The following PMEPA1 variants were observed in gnomAD, a reference collection of about 807,000 sequenced individuals.
PMEPA1 encodes protein TMEPAI.
Under a neutral mutation model 23.0 loss-of-function variants are expected in PMEPA1, and 11 were observed. The observed-to-expected ratio is 0.48, with a 90% CI of 0.30 to 0.79. The LOEUF is 0.79. Ranked by LOEUF, PMEPA1 falls within the 30% of genes least tolerant of loss-of-function variation. The probability of loss-of-function intolerance (pLI) is 0.06; values close to 1 mark genes in which losing one functional copy is unlikely to be tolerated. For synonymous variants in PMEPA1, 204 were observed against 166.4 expected, an observed-to-expected ratio of 1.23 and a Z score of -1.74; for missense variants, 377 against 390.9, an observed-to-expected ratio of 0.96 and a Z score of 0.30.
chr20:57,673,906 C>T (rs547029734), intron 1 of PMEPA1, among the ~76,000 whole-genome samples: 16 of 152,312 alleles, frequency 1.1e-4, no homozygotes, highest in African/African-American at 3.8e-4. Flanking sequence ...ACCTTCAGAC[C>T]CCAAGAGCAA....
chr20:57,668,679 A>G (rs1391497853), intron 1 of PMEPA1, among the ~76,000 whole-genome samples: 1 of 152,226 alleles, frequency 6.6e-6, no homozygotes, highest in Admixed American at 6.5e-5. Context: ...CCTTTGCTCC[A>G]GCATATAGAC....
At chr20:57,662,393 A>G (rs1357608575) in intron 1 of PMEPA1, among the ~76,000 whole-genome samples, 1 of 152,038 alleles carries the variant, frequency 6.6e-6, no homozygotes, top group Non-Finnish European at 1.5e-5. Flanking sequence ...GAGAAGTCCA[A>G]GACCCTAGAG....
chr20:57,650,679 G>A lies in PMEPA1; in HGVS notation c.*1374C>T, dbSNP rs1370744302. On this transcript the variant is annotated 3_prime_UTR_variant, in exon 4 of 4. Transcript: ENST00000341744. ...TGAAGAATTCTGCGCCCGAAGCTCG[G>A]GTTGGTGTTTGCTCAACTGCTTTAC... 1 of 152,254 alleles carries A rather than the reference G, an allele frequency of 6.6e-6. No homozygotes were observed. The highest frequency in any genetic ancestry group is 1.5e-5 in the Non-Finnish European group (1 of 68,068). 9.4% of individuals were successfully genotyped at this position (152,254 alleles called of 1,614,324 possible). A position where few individuals can be genotyped will look rare whatever the true frequency, so the allele number is the denominator to read the frequency against.
In PMEPA1 at chr20:57,683,906, CCTGTGGGCTGTCTGT is replaced by C. The variant is rs1324901536; in HGVS notation, c.110-24224_110-24210del. 6.6e-6 allele frequency among the ~76,000 whole-genome samples: 1 copy of C among 152,150 alleles called. No homozygotes were observed. The highest frequency in any genetic ancestry group is 1.9e-4 in the East Asian group (1 of 5,190). Reference sequence around the variant, plus strand: ...GTAGCTGCTCAACAGACCACTCCTGCCTGTGGGCTGTCTGTTTTGGGGGTAGAAATAAAAAGATCT... The same window carrying C: ...GTAGCTGCTCAACAGACCACTCCTGCTTTGGGGGTAGAAATAAAAAGATCT... On this transcript the variant is annotated intron_variant, in intron 1 of 3. Transcript: ENST00000341744. This position sits in a 1 kb window ranked among gnomAD's most constrained non-coding sequence, Gnocchi z 4.3.
rs1342856140 is a variant in PMEPA1 at position 57,652,807 on chromosome 20, C to T, written c.319-209G>A. Among the ~76,000 whole-genome samples, 1 of 152,172 alleles carries T rather than the reference C, an allele frequency of 6.6e-6. No homozygotes were observed. Among genetic ancestry groups the T allele is most frequent in the Non-Finnish European group, 1.5e-5 (1 of 68,016 alleles). On this transcript the variant is annotated intron_variant, in intron 3 of 3. Transcript: ENST00000341744. The surrounding 1 kb of genome is among the most constrained non-coding windows in gnomAD (Gnocchi z 6.1). ...CACTGCAGAGCTGCACCGCCCTCCT[C>T]CAAACAGTGGCAGCGTCCGTGCTCC...
rs2072150405 is a variant in PMEPA1, at chr20:57,709,993, C to A, written c.-411G>T. The A allele has an allele frequency of 4.0e-6, 4 of 991,506 alleles. No homozygotes were observed. In the South Asian group the frequency reaches 1.3e-4, roughly 33 times the overall value. 61.4% of individuals were successfully genotyped at this position (991,506 alleles called of 1,614,324 possible). ...TCGGGTTTCGCTCCGAGACCGCGGT[C>A]GGAGGCAGGCAGACGGTCTGACGTC... On this transcript the variant is annotated 5_prime_UTR_variant, in exon 1 of 4. Transcript: ENST00000341744.
intron 1 of PMEPA1, among the ~76,000 whole-genome samples, chr20:57,663,101 G>A (rs960033805): frequency 3.3e-5 from 5 of 152,224 alleles, no homozygotes; most frequent in East Asian, 1.9e-4. Context: ...GCATAAGAGC[G>A]TCACCCTGGT....
rs1364395145 is a variant in PMEPA1, at chr20:57,683,716, C to A, written c.110-24019G>T. 2.0e-5 allele frequency among the ~76,000 whole-genome samples: 3 copies of A among 152,058 alleles called. No individual in the cohort carries two copies. Among genetic ancestry groups the A allele is most frequent in the Non-Finnish European group, 4.4e-5 (3 of 68,010 alleles). On this transcript the variant is annotated intron_variant, in intron 1 of 3. Transcript: ENST00000341744. This position sits in a 1 kb window ranked among gnomAD's most constrained non-coding sequence, Gnocchi z 4.3. ...TGAAATATTACAAGCACAGTCACCCCACTTCCCCACTCCGCGGGGAAATTT... is the reference window on the plus strand; with the variant it reads ...TGAAATATTACAAGCACAGTCACCCAACTTCCCCACTCCGCGGGGAAATTT...
At chr20:57,679,987 C>T (rs1243504855) in intron 1 of PMEPA1, among the ~76,000 whole-genome samples, 2 of 152,168 alleles carry the variant, frequency 1.3e-5, no homozygotes, top group Non-Finnish European at 2.9e-5. Flanking sequence ...ACAGGCTGTC[C>T]ACGCAGGCAT....
chr20:57,676,765 C>A (rs1030664998), intron 1 of PMEPA1, among the ~76,000 whole-genome samples: 5 of 152,204 alleles, frequency 3.3e-5, no homozygotes, highest in Non-Finnish European at 7.3e-5. Context: ...AGCACCCACA[C>A]AGAGACCCTG....
chr20:57,701,228 C>T (rs1422319588), intron 1 of PMEPA1, among the ~76,000 whole-genome samples: 2 of 152,096 alleles, frequency 1.3e-5, no homozygotes, highest in Non-Finnish European at 2.9e-5. Flanking sequence ...AGCTGATCAC[C>T]ACCTGATACC....
At chr20:57,667,342 G>A (rs116417409) in intron 1 of PMEPA1, among the ~76,000 whole-genome samples, 4,501 of 152,262 alleles carry the variant, frequency 0.03, 144 homozygotes, top group African/African-American at 0.078. Flanking sequence ...GGAGAGGGTC[G>A]CTGGAAAATT....
rs185137912 is a variant in PMEPA1 at position 57,709,454 on chromosome 20, G to T, written c.109+20C>A. ...CGAGCCCGATGGAGTCTCCGGGGAG[G>T]GGGGCGTGGGGTCACTCACTGATCT... is the stretch of plus-strand genomic sequence containing the variant. On this transcript the variant is annotated intron_variant, in intron 1 of 3. Coordinates refer to ENST00000341744, the MANE Select transcript of PMEPA1 (RefSeq NM_020182.5). 1.4e-5 allele frequency: 15 copies of T among 1,099,506 alleles called. No homozygotes were observed. The highest frequency in any genetic ancestry group is 1.7e-5 in the Non-Finnish European group (15 of 886,580). 68.1% of individuals were successfully genotyped at this position (1,099,506 alleles called of 1,614,324 possible). A position where few individuals can be genotyped will look rare whatever the true frequency, so the allele number is the denominator to read the frequency against.
intron 1 of PMEPA1, among the ~76,000 whole-genome samples, chr20:57,674,160 G>A (rs1293019479): frequency 6.6e-6 from 1 of 152,196 alleles, no homozygotes; most frequent in African/African-American, 2.4e-5. Flanking sequence ...TAAAGACGGA[G>A]CCTCTAGGGA....
intron 1 of PMEPA1, chr20:57,699,944 T>C: frequency 6.7e-6 from 3 of 449,594 alleles, no homozygotes; most frequent in South Asian, 3.2e-5. Context: ...GCGTTTTACA[T>C]ATATCATACA....
At chr20:57,696,776 A>T (rs2146704893) in intron 1 of PMEPA1, among the ~76,000 whole-genome samples, 1 of 152,316 alleles carries the variant, frequency 6.6e-6, no homozygotes, top group East Asian at 1.9e-4. Context: ...GCTCATTCTC[A>T]CTAGAGTGAA....
rs76213608 is a variant in PMEPA1, at chr20:57,677,814, T to C, written c.110-18117A>G. 3.9e-4 allele frequency among the ~76,000 whole-genome samples: 60 copies of C among 152,194 alleles called. 1 individual carries two copies. The East Asian group carries it at 0.011, about 28-fold the overall frequency. On this transcript the variant is annotated intron_variant, in intron 1 of 3. Coordinates refer to ENST00000341744, the MANE Select transcript of PMEPA1 (RefSeq NM_020182.5). ...AGCAATCCAGATGTCCCTCAACAGG[T>C]GAATGGTTAAACTAACCATGGTGCA... is the stretch of plus-strand genomic sequence containing the variant.
At chr20:57,677,705 G>A (rs528726536) in intron 1 of PMEPA1, among the ~76,000 whole-genome samples, 2 of 152,276 alleles carry the variant, frequency 1.3e-5, no homozygotes, top group East Asian at 3.9e-4. Context: ...AAGACTTAAT[G>A]TTCACACAAA....
At chr20:57,686,714 G>A (rs1007918129) in intron 1 of PMEPA1, among the ~76,000 whole-genome samples, 4 of 152,264 alleles carry the variant, frequency 2.6e-5, no homozygotes, top group African/African-American at 7.2e-5. Flanking sequence ...GCCCTCACCT[G>A]TGAGATGGAG....
Sources: gnomAD v4.1 joint callset for allele counts (sites outside exome capture counted in the v4.1 genomes callset) on GRCh38, gnomAD v4.1.1 for gene constraint, Gnocchi (gnomAD v3.1) non-coding constraint, MANE v1.5 for transcripts, NCBI Gene and HGNC (gene_info 2026-07-23, HGNC 2026-07-21) for gene names.